The following OCA2 variants were observed in gnomAD, a reference collection of about 807,000 sequenced individuals.
The protein encoded by OCA2 is P protein.
Under a neutral mutation model 100.2 loss-of-function variants are expected in OCA2, and 77 were observed. The ratio of observed to expected loss-of-function variants is 0.77; its 90% CI spans 0.64 to 0.93. OCA2 has a LOEUF of 0.93. Among genes scored for constraint, OCA2 ranks in the 40% least tolerant of loss-of-function variants. The pLI, the probability that OCA2 is intolerant of heterozygous loss-of-function variation, is 0.00. For missense variants in OCA2, 1,062 were observed against 1,089.1 expected (o/e 0.98, Z 0.35); for synonymous variants, 432 against 439.2 (o/e 0.98, Z 0.21).
chr15:28,090,845 A>G (rs1396757796), intron 1 of OCA2, among the ~76,000 whole-genome samples: 1 of 152,200 alleles, frequency 6.6e-6, no homozygotes, highest in Non-Finnish European at 1.5e-5. Context: ...TGAGATTAAA[A>G]ATCAGTGAAA....
the OCA2 span, among the ~76,000 whole-genome samples, chr15:27,736,752 C>T: frequency 1.3e-5 from 2 of 152,178 alleles, no homozygotes; most frequent in African/African-American, 4.8e-5. Context: ...CTGTTAAATA[C>T]ACAGCAATTC....
At chr15:27,983,837 C>T (rs914932273) in intron 13 of OCA2, among the ~76,000 whole-genome samples, 2 of 152,046 alleles carry the variant, frequency 1.3e-5, no homozygotes, top group African/African-American at 4.8e-5. Flanking sequence ...GGAGGCAGTG[C>T]GGATGGCTCA....
intron 19 of OCA2, among the ~76,000 whole-genome samples, chr15:27,899,897 A>G (rs2037856042): frequency 6.6e-6 from 1 of 152,122 alleles, no homozygotes; most frequent in African/African-American, 2.4e-5. Flanking sequence ...TCCCTCCCTT[A>G]TTACTATACC....
chr15:27,819,842 A>G (rs1348270865), intron 23 of OCA2, among the ~76,000 whole-genome samples: 1 of 152,200 alleles, frequency 6.6e-6, no homozygotes, highest in African/African-American at 2.4e-5. Context: ...ATCTTGGCTT[A>G]TAATACCAGT....
chr15:28,029,906 C>T (rs1408198105), intron 3 of OCA2, among the ~76,000 whole-genome samples: 2 of 152,222 alleles, frequency 1.3e-5, no homozygotes, highest in African/African-American at 4.8e-5. Flanking sequence ...CCATGTTCTA[C>T]TCCCTTGAAA....
chr15:27,824,602 C>CTCTATATATATA, intron 23 of OCA2, among the ~76,000 whole-genome samples: 4 of 47,582 alleles, frequency 8.4e-5, no homozygotes, highest in African/African-American at 6.3e-4. Flanking sequence ...CTCTCTCTCT[C>CTCTATATATATA]TATATATATA....
chr15:27,827,891 C>A (rs1290875941), intron 23 of OCA2, among the ~76,000 whole-genome samples: 1 of 152,072 alleles, frequency 6.6e-6, no homozygotes, highest in South Asian at 2.1e-4. Flanking sequence ...TTTTCATAAT[C>A]TCTTTATATA....
In OCA2 at chr15:27,870,810, A is replaced by AAGAAAGAAAGAAAG. The variant is rs372518302; in HGVS notation, c.2244+343_2244+344insCTTTCTTTCTTTCT. Among the ~76,000 whole-genome samples, 439 of 88,244 alleles carry AAGAAAGAAAGAAAG rather than the reference A, an allele frequency of 5.0e-3. 1 individual carries two copies. Among genetic ancestry groups the AAGAAAGAAAGAAAG allele is most frequent in the African/African-American group, 0.012 (415 of 35,150 alleles). 57.9% of individuals were successfully genotyped at this position (88,244 alleles called of 152,430 possible). ...AGAAAAAGAAAGAAAGAAAGAAAGA[A>AAGAAAGAAAGAAAG]AGAGAGAGAGAAAGAAAGAAAGAGA... On this transcript the variant is annotated intron_variant, in intron 21 of 23. Coordinates refer to ENST00000354638, the MANE Select transcript of OCA2 (RefSeq NM_000275.3).
intron 2 of OCA2, among the ~76,000 whole-genome samples, chr15:28,037,224 AGACTG>A: frequency 6.6e-6 from 1 of 151,746 alleles, no homozygotes; most frequent in African/African-American, 2.4e-5. Flanking sequence ...AGACAGGGCC[AGACTG>A]GGAGTGGGAC....
chr15:27,942,718 A>G (rs905835251), intron 18 of OCA2, among the ~76,000 whole-genome samples: 2 of 152,136 alleles, frequency 1.3e-5, no homozygotes, highest in African/African-American at 4.8e-5. Context: ...CTCCCCCATG[A>G]TTTCATTTCT....
At chr15:28,024,791 C>T in intron 5 of OCA2, 54 bp downstream of exon 5, 10 of 1,587,268 alleles carry the variant, frequency 6.3e-6, no homozygotes, top group Non-Finnish European at 8.7e-6. Flanking sequence ...CAGCCAAAGG[C>T]ACACAGGGCT....
chr15:28,069,502 C>T (rs1285403845), intron 2 of OCA2, among the ~76,000 whole-genome samples: 32 of 131,246 alleles, frequency 2.4e-4, no homozygotes, highest in African/African-American at 8.1e-4. Context: ...CGGCTCACTG[C>T]AACCTCCCTG....
At chr15:27,907,299 T>C (rs1016939626) in intron 19 of OCA2, among the ~76,000 whole-genome samples, 26 of 152,156 alleles carry the variant, frequency 1.7e-4, no homozygotes, top group African/African-American at 6.3e-4. Context: ...ACAATTCTTG[T>C]GGGAAATAGA....
chr15:27,876,283 A>C (rs2036787634), intron 19 of OCA2, among the ~76,000 whole-genome samples: 1 of 152,092 alleles, frequency 6.6e-6, no homozygotes, highest in African/African-American at 2.4e-5. Context: ...ATTGAATGTT[A>C]AATCAACCTT....
chr15:27,777,323 G>A (rs989336324), intron 23 of OCA2, among the ~76,000 whole-genome samples: 6 of 152,152 alleles, frequency 3.9e-5, no homozygotes, highest in Non-Finnish European at 7.4e-5. Context: ...AGCAATAGTG[G>A]CAAGGGACTC....
intron 9 of OCA2, among the ~76,000 whole-genome samples, chr15:27,993,506 C>A (rs1027624191): frequency 6.6e-6 from 1 of 152,120 alleles, no homozygotes; most frequent in Non-Finnish European, 1.5e-5. Context: ...GGAGGAGGTC[C>A]GTGGACATCA....
At chr15:27,815,626 C>A (rs1230662913) in intron 23 of OCA2, among the ~76,000 whole-genome samples, 1 of 152,166 alleles carries the variant, frequency 6.6e-6, no homozygotes, top group Non-Finnish European at 1.5e-5. Flanking sequence ...AGAGTCTAGA[C>A]AACACTTACA....
At chr15:28,079,468 C>T (rs1382003391) in intron 2 of OCA2, among the ~76,000 whole-genome samples, 2 of 152,152 alleles carry the variant, frequency 1.3e-5, no homozygotes, top group African/African-American at 2.4e-5. Flanking sequence ...TCAGGGGGCT[C>T]ACCTAGGGCC....
At chr15:28,079,772 T>C (rs2044558545) in intron 2 of OCA2, among the ~76,000 whole-genome samples, 1 of 152,052 alleles carries the variant, frequency 6.6e-6, no homozygotes, top group Non-Finnish European at 1.5e-5. Flanking sequence ...CCCCGTGCCC[T>C]GCGCAGGCTG....
Sources: allele counts gnomAD v4.1 joint callset (sites outside exome capture counted in the v4.1 genomes callset), GRCh38; gene constraint gnomAD v4.1.1; transcripts MANE v1.5; gene names NCBI Gene and HGNC (gene_info 2026-07-23, HGNC 2026-07-21).